BACE2: variants seen among roughly 807,000 people sequenced by gnomAD.
BACE2 encodes 56 kDa aspartic-like protease.
In BACE2, 17 loss-of-function variants were observed where a neutral mutation model predicts 46.2. The observed-to-expected ratio is 0.37, with a 90% CI of 0.25 to 0.55. The LOEUF (loss-of-function observed/expected upper bound fraction) is 0.55, where lower values mean the gene tolerates loss of function less well. BACE2 is among the 20% of genes least tolerant of loss of function. BACE2 has a pLI of 0.82. For missense variants in BACE2, 595 were observed against 698.1 expected, an observed-to-expected ratio of 0.85 and a Z score of 1.66; for synonymous variants, 277 against 295.9, an observed-to-expected ratio of 0.94 and a Z score of 0.66.
At position 41,277,590 on chromosome 21, in the gene BACE2, T is replaced by G. The variant is rs1221251749; in HGVS notation, c.*1966T>G. ...ACACCCCTAGATTGTGCCTTCACCC[T>G]TGCTGTGAAAAATTCAAAGCCCTGA... is the stretch of plus-strand genomic sequence containing the variant. On this transcript the variant is annotated 3_prime_UTR_variant, in exon 9 of 9. Coordinates refer to ENST00000330333, the MANE Select transcript of BACE2 (RefSeq NM_012105.5). 1.3e-5 allele frequency: 2 copies of G among 152,256 alleles called. No homozygotes were observed. Among genetic ancestry groups the G allele is most frequent in the African/African-American group, 4.8e-5 (2 of 41,470 alleles). The allele number at this position is 152,256 out of a possible 1,614,324, so 9.4% of individuals were successfully genotyped here.
chr21:41,221,353 C>CT (rs535874456), intron 1 of BACE2, among the ~76,000 whole-genome samples: 3 of 152,306 alleles, frequency 2.0e-5, no homozygotes, highest in Non-Finnish European at 4.4e-5. Flanking sequence ...AAGTAGGAGT[C>CT]TGACAGTTTC....
At chr21:41,272,470 TTC>T (rs927243143) in intron 8 of BACE2, among the ~76,000 whole-genome samples, 2 of 151,966 alleles carry the variant, frequency 1.3e-5, no homozygotes, top group African/African-American at 4.8e-5. Flanking sequence ...TTTACTGATG[TTC>T]TCTCTCTCTC....
intron 8 of BACE2, among the ~76,000 whole-genome samples, chr21:41,264,699 C>A (rs915772251): frequency 2.6e-5 from 4 of 152,174 alleles, no homozygotes; most frequent in African/African-American, 9.6e-5. Context: ...AGAAACCACC[C>A]CCATGATCCA....
chr21:41,218,743 G>A (rs190265470), intron 1 of BACE2, among the ~76,000 whole-genome samples: 1 of 152,154 alleles, frequency 6.6e-6, no homozygotes, highest in Admixed American at 6.5e-5. Flanking sequence ...AAAAAAGAAA[G>A]ATGTTCATGC....
In BACE2 at chr21:41,278,943, A is replaced by C. The variant is rs939663280; in HGVS notation, c.*3319A>C. 3.9e-5 allele frequency: 6 copies of C among 152,166 alleles called. No individual in the cohort carries two copies. The highest frequency in any genetic ancestry group is 7.4e-5 in the Non-Finnish European group (5 of 68,022). The allele number at this position is 152,166 out of a possible 1,614,324, so 9.4% of individuals were successfully genotyped here. ...AATCAAATAATGGAGTGGAATCCCC[A>C]TGTGTTTTCTCTTGCACAAACTTAT... On this transcript the variant is annotated 3_prime_UTR_variant, in exon 9 of 9. Coordinates refer to ENST00000330333, the MANE Select transcript of BACE2 (RefSeq NM_012105.5).
At chr21:41,211,400 T>C (rs1298144020) in intron 1 of BACE2, among the ~76,000 whole-genome samples, 1 of 151,980 alleles carries the variant, frequency 6.6e-6, no homozygotes, top group Admixed American at 6.6e-5. Context: ...AGTGGTGCTC[T>C]TTGAAAATGA....
At chr21:41,183,420 A>T (rs959815440) in intron 1 of BACE2, 1 of 167,086 alleles carries the variant, frequency 6.0e-6, no homozygotes, top group African/African-American at 2.4e-5. Flanking sequence ...ACATGTACAT[A>T]TACCCAAAAA....
Position 41,243,356 on chromosome 21 carries a change from G to A in BACE2, c.748-20G>A, listed in dbSNP as rs1236021308. 3.2e-6 allele frequency: 5 copies of A among 1,575,840 alleles called. No individual in the cohort carries two copies. The highest frequency in any genetic ancestry group is 4.3e-6 in the Non-Finnish European group (5 of 1,162,124). ...TCTGTGTATTTTTTCTCTTATACCT[G>A]TAAATATTTCCTGTCCCAGGTCTTG... On this transcript the variant is annotated intron_variant, in intron 4 of 8. Coordinates refer to ENST00000330333, the MANE Select transcript of BACE2 (RefSeq NM_012105.5).
intron 1 of BACE2, among the ~76,000 whole-genome samples, chr21:41,203,747 G>C (rs1399588309): frequency 6.6e-6 from 1 of 152,152 alleles, no homozygotes; most frequent in Admixed American, 6.5e-5. Flanking sequence ...AAACTTAGAG[G>C]TGGGGAAGGT....
chr21:41,251,812 A>G (rs1380502334), intron 7 of BACE2, among the ~76,000 whole-genome samples: 2 of 152,134 alleles, frequency 1.3e-5, no homozygotes, highest in Non-Finnish European at 2.9e-5. Context: ...AAAAAAAACA[A>G]AAAACAAAAA....
chr21:41,239,359 C>T (rs1987225504), intron 3 of BACE2, among the ~76,000 whole-genome samples: 1 of 152,048 alleles, frequency 6.6e-6, no homozygotes. Context: ...GTCATATTCT[C>T]CCCATTTTCT....
At chr21:41,246,123 A>T in intron 6 of BACE2, 60 bp downstream of exon 6, 2 of 1,331,640 alleles carry the variant, frequency 1.5e-6, no homozygotes, top group Non-Finnish European at 2.1e-6. Context: ...CCTGCTGAGG[A>T]GCAGCACTGC....
At chr21:41,263,467 G>T (rs1030763679) in intron 8 of BACE2, among the ~76,000 whole-genome samples, 2 of 152,208 alleles carry the variant, frequency 1.3e-5, no homozygotes, top group African/African-American at 4.8e-5. Flanking sequence ...ATGAACAATT[G>T]TTGACTTGCC....
At chr21:41,254,217 C>T (rs1987716624) in intron 7 of BACE2, among the ~76,000 whole-genome samples, 1 of 152,196 alleles carries the variant, frequency 6.6e-6, no homozygotes, top group East Asian at 1.9e-4. Flanking sequence ...GGGCTGAATC[C>T]TATGTGGCCT....
chr21:41,176,282 C>T (rs982820733), intron 1 of BACE2: 7 of 152,220 alleles, frequency 4.6e-5, no homozygotes, highest in African/African-American at 1.7e-4. Flanking sequence ...CTGAGGGTGG[C>T]TGCTGCCAGC....
At chr21:41,237,164 T>A (rs1358912339) in intron 2 of BACE2, among the ~76,000 whole-genome samples, 2 of 152,154 alleles carry the variant, frequency 1.3e-5, no homozygotes, top group East Asian at 3.9e-4. Flanking sequence ...TGCAAGGGGC[T>A]TAGCCGGGCG....
chr21:41,242,125 A>G (rs1987311817), intron 4 of BACE2, among the ~76,000 whole-genome samples, 178 bp downstream of exon 4: 1 of 151,764 alleles, frequency 6.6e-6, no homozygotes, highest in African/African-American at 2.4e-5. Flanking sequence ...GCAATCCTTT[A>G]TGTCATCCTG....
In BACE2 at chr21:41,275,597, C is replaced by G. The variant is rs1229506389; in HGVS notation, c.1530C>G (p.Ser510=). The G allele has an allele frequency of 6.2e-7, 1 of 1,613,892 alleles. No individual in the cohort carries two copies. Among genetic ancestry groups the G allele is most frequent in the African/African-American group, 1.3e-5 (1 of 74,878 alleles). The change falls in exon 9 of 9, where the codon TCC becomes TCG. Residue 510 remains serine, a synonymous_variant. Transcript: ENST00000330333. Reference sequence around the variant, plus strand: ...ACCCTGAGGTCGTCAATGATGAGTCCTCTCTGGTCAGACATCGCTGGAAAT... The same window carrying G: ...ACCCTGAGGTCGTCAATGATGAGTCGTCTCTGGTCAGACATCGCTGGAAAT... ...PRDPEVVNDE[S]SLVRHRWK
chr21:41,176,294 C>T (rs1984835813), intron 1 of BACE2: 2 of 152,178 alleles, frequency 1.3e-5, no homozygotes, highest in East Asian at 1.9e-4. Context: ...GCTGCCAGCT[C>T]ACAGGTCACA....
Sources: allele counts gnomAD v4.1 joint callset (sites outside exome capture counted in the v4.1 genomes callset), GRCh38; gene constraint gnomAD v4.1.1; transcripts MANE v1.5; gene names NCBI Gene and HGNC (gene_info 2026-07-23, HGNC 2026-07-21).